The following CLUAP1 variants were observed in gnomAD, a reference collection of about 807,000 sequenced individuals.
The protein encoded by CLUAP1 is intraflagellar transport 38.
In CLUAP1, 50 loss-of-function variants were observed where a neutral mutation model predicts 55.0. The observed-to-expected ratio is 0.91, with a 90% CI of 0.72 to 1.15. CLUAP1 has a LOEUF of 1.15. Ranked by LOEUF, CLUAP1 falls within the 50% of genes most tolerant of loss-of-function variation. The pLI is 0.00. For synonymous variants in CLUAP1, 195 were observed against 175.4 expected, an observed-to-expected ratio of 1.11 and a Z score of -0.88; for missense variants, 530 against 507.6, an observed-to-expected ratio of 1.04 and a Z score of -0.42.
At chr16:3,530,784 A>G (rs17794017) in intron 10 of CLUAP1, 109 bp downstream of exon 10, 17,318 of 747,180 alleles carry the variant, frequency 0.023, 292 homozygotes, top group Non-Finnish European at 0.028. Context: ...CGTGCTGCGA[A>G]TGGCCCCTAG....
intron 7 of CLUAP1, among the ~76,000 whole-genome samples, chr16:3,521,579 C>T (rs577550634): frequency 4.0e-5 from 6 of 151,794 alleles, no homozygotes; most frequent in Non-Finnish European, 8.8e-5. Flanking sequence ...GGATTACAGG[C>T]GGCCGCCACC....
chr16:3,506,312 C>T lies in CLUAP1; in HGVS notation c.135-19C>T. On this transcript the variant is annotated intron_variant, in intron 2 of 11. Transcript: ENST00000576634. Reference sequence around the variant, plus strand: ...CTCCTTGGTTAACCCGTGCTCTCTCCTCTTACCTCTCTTGATAGATATGAG... The same window carrying T: ...CTCCTTGGTTAACCCGTGCTCTCTCTTCTTACCTCTCTTGATAGATATGAG... 3 of 1,603,664 alleles carry T rather than the reference C, an allele frequency of 1.9e-6. No individual in the cohort carries two copies. The highest frequency in any genetic ancestry group is 1.3e-5 in the African/African-American group (1 of 74,786).
chr16:3,502,738 TAGAG>T (rs2037430617), intron 1 of CLUAP1, among the ~76,000 whole-genome samples: 1 of 152,168 alleles, frequency 6.6e-6, no homozygotes, highest in Non-Finnish European at 1.5e-5. Flanking sequence ...ACATAGTTTT[TAGAG>T]AGGCCAGCAC....
rs769586346 is a variant in CLUAP1 at position 3,508,348 on chromosome 16, G to T, written c.279G>T (p.Ala93=). 1 of 1,609,732 alleles carries T rather than the reference G, an allele frequency of 6.2e-7. No homozygotes were observed. The highest frequency in any genetic ancestry group is 1.1e-5 in the South Asian group (1 of 89,918). ...TKKLYQADGY[A]VKELLKITSV... is the part of the protein sequence containing the mutation. Reference sequence around the variant, plus strand: ...AGCTTTATCAAGCAGATGGGTATGCGGTAAAAGAGCTGCTGAAGATCACAT... The same window carrying T: ...AGCTTTATCAAGCAGATGGGTATGCTGTAAAAGAGCTGCTGAAGATCACAT... The change falls in exon 4 of 12, where the codon GCG becomes GCT. Residue 93 remains alanine (A), a synonymous_variant. Transcript: ENST00000576634.
At chr16:3,523,567 T>A (rs575264297) in intron 8 of CLUAP1, among the ~76,000 whole-genome samples, 2 of 152,358 alleles carry the variant, frequency 1.3e-5, no homozygotes, top group South Asian at 4.1e-4. Flanking sequence ...TGTGGCTGCG[T>A]AAGACCCTGT....
chr16:3,509,422 G>A (rs1313973502), intron 4 of CLUAP1, among the ~76,000 whole-genome samples: 12 of 152,212 alleles, frequency 7.9e-5, no homozygotes, highest in East Asian at 1.9e-4. Context: ...CTTATTTCCC[G>A]TCCAAAGGGT....
chr16:3,504,775 T>C lies in CLUAP1; in HGVS notation c.78T>C (p.Asn26=), dbSNP rs779212197. The C allele has an allele frequency of 9.9e-6, 16 of 1,613,656 alleles. No individual in the cohort carries two copies. Among genetic ancestry groups the C allele is most frequent in the Non-Finnish European group, 1.3e-5 (15 of 1,179,672 alleles). Residue 26 remains asparagine, a synonymous_variant, in exon 2 of 12, where the codon AAT becomes AAC. Coordinates refer to ENST00000576634, the MANE Select transcript of CLUAP1 (RefSeq NM_015041.3). ...ACCCTCGACATATTTCTATGGAAAA[T>C]TTCCGTACACCCAATTTTGGACTTG... The part of the protein sequence containing the change: ...LGYPRHISME[N]FRTPNFGLVS...
At chr16:3,518,862 T>C (rs1179737742) in intron 6 of CLUAP1, among the ~76,000 whole-genome samples, 2 of 152,156 alleles carry the variant, frequency 1.3e-5, no homozygotes, top group Non-Finnish European at 2.9e-5. Flanking sequence ...GTAGGCCATT[T>C]CTCTGTGGAG....
chr16:3,532,871 G>T lies in CLUAP1; in HGVS notation c.1092+30G>T, dbSNP rs765527005. The T allele has an allele frequency of 1.9e-6, 3 of 1,612,022 alleles. No homozygotes were observed. In the South Asian group the frequency reaches 3.3e-5, roughly 18 times the overall value. The stretch of plus-strand genomic sequence containing the variant: ...GTCCCCCGCTCCCCTCAGTGGTTCT[G>T]TGCACTCTGGGTTTGGCTGTCCCCA... On this transcript the variant is annotated intron_variant, in intron 11 of 11. Coordinates refer to ENST00000576634, the MANE Select transcript of CLUAP1 (RefSeq NM_015041.3).
intron 1 of CLUAP1, among the ~76,000 whole-genome samples, chr16:3,503,469 G>T (rs1463408543): frequency 6.6e-6 from 1 of 152,086 alleles, no homozygotes; most frequent in Admixed American, 6.5e-5. Context: ...GGCAACTTTT[G>T]TATTTTTAGT....
rs1218062480 is a variant in CLUAP1, at chr16:3,529,794, T to A, written c.929-774T>A. Among the ~76,000 whole-genome samples the A allele has an allele frequency of 7.3e-3, 460 of 62,886 alleles. 22 individuals carry two copies. Among genetic ancestry groups the A allele is most frequent in the African/African-American group, 0.015 (203 of 13,980 alleles). 41.3% of individuals were successfully genotyped at this position (62,886 alleles called of 152,430 possible). ...ATTATTATATATTATATAATATATA[T>A]TATATTATTATATATATATTATAAT... On this transcript the variant is annotated intron_variant, in intron 9 of 11. Coordinates refer to ENST00000576634, the MANE Select transcript of CLUAP1 (RefSeq NM_015041.3).
chr16:3,500,993 G>T, upstream of CLUAP1: 3 of 1,475,670 alleles, frequency 2.0e-6, no homozygotes, highest in Non-Finnish European at 2.8e-6. Context: ...TTGCCATAGA[G>T]ATCGTCGAGC....
intron 10 of CLUAP1, among the ~76,000 whole-genome samples, chr16:3,532,366 T>C (rs1596406548): frequency 6.6e-6 from 1 of 151,468 alleles, no homozygotes; most frequent in East Asian, 1.9e-4. Flanking sequence ...TAAAAACATT[T>C]CTTATCTACC....
At chr16:3,523,357 G>A in intron 8 of CLUAP1, 58 bp downstream of exon 8, 1 of 1,523,066 alleles carries the variant, frequency 6.6e-7, no homozygotes, top group Non-Finnish European at 8.8e-7. Context: ...TTTGTACTGG[G>A]TGACAGGTCA....
In CLUAP1 at chr16:3,526,496, C is replaced by G. The variant is rs1403860624; in HGVS notation, c.928+12C>G. 1 of 1,594,736 alleles carries G rather than the reference C, an allele frequency of 6.3e-7. No individual in the cohort carries two copies. The highest frequency in any genetic ancestry group is 8.5e-7 in the Non-Finnish European group (1 of 1,171,666). On this transcript the variant is annotated intron_variant, in intron 9 of 11. Transcript: ENST00000576634. The stretch of plus-strand genomic sequence containing the variant: ...GCTCAAGAGTGGAAGTAAGGCTGGG[C>G]TTCGTAGACGAGCAGTTTACTCTGG...
chr16:3,531,470 C>G (rs931753099), intron 10 of CLUAP1, among the ~76,000 whole-genome samples: 12 of 151,528 alleles, frequency 7.9e-5, no homozygotes, highest in African/African-American at 2.9e-4. Flanking sequence ...TGCAGTGAGC[C>G]GAGATCACGC....
upstream of CLUAP1, among the ~76,000 whole-genome samples, chr16:3,498,751 T>C (rs917064972): frequency 6.6e-6 from 1 of 151,996 alleles, no homozygotes; most frequent in Admixed American, 6.5e-5. Context: ...TCCCAGCTAC[T>C]TGGGAGGCCG....
intron 6 of CLUAP1, among the ~76,000 whole-genome samples, chr16:3,519,050 C>T (rs2037783021): frequency 6.6e-6 from 1 of 152,242 alleles, no homozygotes; most frequent in South Asian, 2.1e-4. Context: ...CCAGATTCCT[C>T]ATAAAGAGAT....
intron 4 of CLUAP1, among the ~76,000 whole-genome samples, chr16:3,510,853 C>A (rs2037611141): frequency 6.6e-6 from 1 of 152,178 alleles, no homozygotes; most frequent in Non-Finnish European, 1.5e-5. Flanking sequence ...ATTTGCCACG[C>A]CGATTGGCTG....
Sources: allele counts gnomAD v4.1 joint callset (sites outside exome capture counted in the v4.1 genomes callset), GRCh38; gene constraint gnomAD v4.1.1; transcripts MANE v1.5; gene names NCBI Gene and HGNC (gene_info 2026-07-23, HGNC 2026-07-21).